Variants in SHB observed in about 807,000 individuals in gnomAD.
SHB encodes the protein SH2 domain containing adaptor protein B.
Under a neutral mutation model 52.3 loss-of-function variants are expected in SHB, and 20 were observed. The observed-to-expected ratio is 0.38, with a 90% CI of 0.27 to 0.56. The LOEUF (loss-of-function observed/expected upper bound fraction) is 0.56. Among genes scored for constraint, SHB ranks in the 20% least tolerant of loss-of-function variants. The probability of loss-of-function intolerance (pLI) is 0.71; values close to 1 mark genes in which losing one functional copy is unlikely to be tolerated. For synonymous variants in SHB, 397 were observed against 316.5 expected (o/e 1.25, Z -2.70); for missense variants, 825 against 723.3 (o/e 1.14, Z -1.61).
intron 2 of SHB, among the ~76,000 whole-genome samples, chr9:37,995,916 A>G (rs1159143664): frequency 1.3e-5 from 2 of 152,192 alleles, no homozygotes; most frequent in East Asian, 3.9e-4. Context: ...GTCTTTGAAC[A>G]TCCAATTGGC....
chr9:37,934,457 C>T (rs953190690), intron 5 of SHB, among the ~76,000 whole-genome samples: 2 of 152,074 alleles, frequency 1.3e-5, no homozygotes, highest in African/African-American at 4.8e-5. Flanking sequence ...AGCCACCATG[C>T]CCAGCTAATT....
intron 4 of SHB, among the ~76,000 whole-genome samples, chr9:37,949,999 C>T (rs1007572943): frequency 2.0e-5 from 3 of 152,200 alleles, no homozygotes; most frequent in South Asian, 2.1e-4. Flanking sequence ...TGCCGTGGCG[C>T]GATAATAGCT....
chr9:37,956,994 A>C (rs1305090568), intron 3 of SHB, among the ~76,000 whole-genome samples: 1 of 152,178 alleles, frequency 6.6e-6, no homozygotes, highest in East Asian at 1.9e-4. Context: ...TCACAGAAGC[A>C]ACTGAACCAA....
chr9:37,942,301 T>TGTC, intron 5 of SHB, among the ~76,000 whole-genome samples: 1 of 152,336 alleles, frequency 6.6e-6, no homozygotes, highest in Admixed American at 6.5e-5. Context: ...TTCTTGATAA[T>TGTC]GTCGTGCTCC....
At chr9:37,944,263 T>C (rs1832467724) in intron 5 of SHB, among the ~76,000 whole-genome samples, 1 of 152,048 alleles carries the variant, frequency 6.6e-6, no homozygotes, top group Non-Finnish European at 1.5e-5. Flanking sequence ...TGCAGAAAGT[T>C]GGGGGGTGGG....
chr9:37,958,331 C>CTGAA (rs1832658518), intron 3 of SHB, among the ~76,000 whole-genome samples: 1 of 152,162 alleles, frequency 6.6e-6, no homozygotes, highest in Non-Finnish European at 1.5e-5. Context: ...TGACCACAGG[C>CTGAA]TGAAGTGCAG....
chr9:37,952,511 G>A (rs903227944), intron 4 of SHB, among the ~76,000 whole-genome samples: 1 of 152,196 alleles, frequency 6.6e-6, no homozygotes, highest in African/African-American at 2.4e-5. Flanking sequence ...ACAGCAATAA[G>A]AGTTTTAAGA....
At chr9:37,957,864 T>C (rs1832653110) in intron 3 of SHB, among the ~76,000 whole-genome samples, 1 of 151,982 alleles carries the variant, frequency 6.6e-6, no homozygotes, top group Non-Finnish European at 1.5e-5. Flanking sequence ...GGAAGGAACA[T>C]CTGTAGGAAG....
intron 2 of SHB, among the ~76,000 whole-genome samples, chr9:37,982,317 A>AT (rs1820737564): frequency 6.6e-6 from 1 of 151,740 alleles, no homozygotes; most frequent in African/African-American, 2.4e-5. Context: ...ACATGGTAAA[A>AT]CCCCGTCTCT....
intron 5 of SHB, among the ~76,000 whole-genome samples, chr9:37,935,992 C>T (rs1832365007): frequency 2.7e-5 from 4 of 149,726 alleles, no homozygotes; most frequent in African/African-American, 9.9e-5. Context: ...CACCTGACGT[C>T]AGGAGTTCGA....
At chr9:37,989,457 G>A (rs1164828033) in intron 2 of SHB, among the ~76,000 whole-genome samples, 3 of 152,036 alleles carry the variant, frequency 2.0e-5, no homozygotes, top group East Asian at 1.9e-4. Context: ...GCCCAGGAGC[G>A]ATCACCTGCC....
intron 2 of SHB, among the ~76,000 whole-genome samples, chr9:37,998,814 T>A (rs569286746): frequency 6.6e-6 from 1 of 152,322 alleles, no homozygotes; most frequent in South Asian, 2.1e-4. Context: ...ATGATTAATA[T>A]GTTTGCAGCC....
intron 3 of SHB, 95 bp downstream of exon 3, chr9:37,974,524 AAAC>A: frequency 1.9e-6 from 2 of 1,033,360 alleles, no homozygotes; most frequent in Non-Finnish European, 2.9e-6. Context: ...CTGGATTATT[AAAC>A]AACCCTGGAG....
At position 38,068,448 on chromosome 9, in the gene SHB, A is replaced by G. The variant is rs747067575; in HGVS notation, c.198T>C (p.Ser66=). The G allele has an allele frequency of 6.5e-7, 1 of 1,538,196 alleles. No individual in the cohort carries two copies. Among genetic ancestry groups the G allele is most frequent in the East Asian group, 2.6e-5 (1 of 38,522 alleles). The change falls in exon 1 of 6, where the codon TCT becomes TCC. Residue 66 remains serine, a synonymous_variant. Transcript: ENST00000377707. ...CGCTGTCGTCGGGCAGCGAGCCCGA[A>G]GAGGCTGAGAAGCAGGAGGCGGTGG... is the stretch of plus-strand genomic sequence containing the variant. ...GPATASCFSA[S]SGSLPDDSGS... is the part of the protein sequence containing the mutation.
At chr9:37,936,775 C>A (rs1832376960) in intron 5 of SHB, 4 of 152,108 alleles carry the variant, frequency 2.6e-5, no homozygotes, top group Non-Finnish European at 5.9e-5. Flanking sequence ...ATTTTATGCA[C>A]CTCAAACTGG....
chr9:38,057,209 TAC>T (rs1821832744), intron 1 of SHB, among the ~76,000 whole-genome samples: 1 of 152,190 alleles, frequency 6.6e-6, no homozygotes, highest in African/African-American at 2.4e-5. Context: ...GCTATTAAAT[TAC>T]AGTTGTTAAA....
rs1239354512 is a variant in SHB at position 38,067,830 on chromosome 9, A to C, written c.717+99T>G. Reference sequence around the variant, plus strand: ...GCCCCGACCCAGGGTCCTAGGCCGAAGCTGAAGTAGAGACTCAACACCAGA... The same window carrying C: ...GCCCCGACCCAGGGTCCTAGGCCGACGCTGAAGTAGAGACTCAACACCAGA... On this transcript the variant is annotated intron_variant, in intron 1 of 5. Coordinates refer to ENST00000377707, the MANE Select transcript of SHB (RefSeq NM_003028.3). The C allele has an allele frequency of 3.9e-6, 5 of 1,270,532 alleles. No individual in the cohort carries two copies. In the Admixed American group the frequency reaches 1.9e-4, roughly 49 times the overall value. The allele number at this position is 1,270,532 out of a possible 1,614,324, so 78.7% of individuals were successfully genotyped here.
At chr9:38,001,245 A>T (rs1336646097) in intron 2 of SHB, among the ~76,000 whole-genome samples, 1 of 152,186 alleles carries the variant, frequency 6.6e-6, no homozygotes, top group East Asian at 1.9e-4. Context: ...GCAACTCTGA[A>T]TGGCTCTTTG....
intron 3 of SHB, among the ~76,000 whole-genome samples, chr9:37,973,791 T>C (rs1820620735): frequency 6.6e-6 from 1 of 152,142 alleles, no homozygotes; most frequent in Non-Finnish European, 1.5e-5. Flanking sequence ...TCACCTGTGC[T>C]CTGTGAGCGT....
Sources: gnomAD v4.1 joint callset for allele counts (sites outside exome capture counted in the v4.1 genomes callset) on GRCh38, gnomAD v4.1.1 for gene constraint, MANE v1.5 for transcripts, NCBI Gene and HGNC (gene_info 2026-07-23, HGNC 2026-07-21) for gene names.